The following ME1 variants were observed in gnomAD, a reference collection of about 807,000 sequenced individuals.
The protein encoded by ME1 is NADP-dependent malic enzyme.
A neutral mutation model predicts 66.4 loss-of-function variants in ME1; 74 were observed. The observed-to-expected ratio is 1.11, with a 90% CI of 0.92 to 1.35. The LOEUF is 1.35. Ranked by LOEUF, ME1 falls within the 40% of genes most tolerant of loss-of-function variation. The pLI is 0.00. For synonymous variants in ME1, 251 were observed against 235.6 expected (o/e 1.07, Z -0.60); for missense variants, 750 against 694.1 (o/e 1.08, Z -0.90).
At chr6:83,230,254 G>A (rs567082648) in intron 9 of ME1, among the ~76,000 whole-genome samples, 2 of 151,802 alleles carry the variant, frequency 1.3e-5, no homozygotes, top group East Asian at 1.9e-4. Context: ...TCGGCTCACC[G>A]CAACCTCCGC....
chr6:83,430,992 C>T lies in ME1; in HGVS notation c.-38G>A, dbSNP rs1227310519. 8 of 1,344,432 alleles carry T rather than the reference C, an allele frequency of 6.0e-6. No individual in the cohort carries two copies. Among genetic ancestry groups the T allele is most frequent in the Admixed American group, 6.4e-5 (2 of 31,422 alleles). The allele number at this position is 1,344,432 out of a possible 1,614,324, so 83.3% of individuals were successfully genotyped here. On this transcript the variant is annotated 5_prime_UTR_variant, in exon 1 of 14. Coordinates refer to ENST00000369705, the MANE Select transcript of ME1 (RefSeq NM_002395.6). ...GTTCGGCGGCGGGGTCAGGCCGGGG[C>T]GGGCCGCACGCGCGGTGCAGGCGGC...
chr6:83,310,659 A>G (rs1217157832), intron 6 of ME1, among the ~76,000 whole-genome samples: 1 of 152,068 alleles, frequency 6.6e-6, no homozygotes, highest in African/African-American at 2.4e-5. Context: ...GTGAGTTGAG[A>G]TGTTGGGAAG....
intron 7 of ME1, among the ~76,000 whole-genome samples, chr6:83,252,078 T>C (rs28520401): frequency 0.087 from 13,227 of 152,118 alleles, 787 homozygotes; most frequent in African/African-American, 0.16. Context: ...ATTTTGATGA[T>C]AGGAAATGCA....
chr6:83,234,650 T>C (rs557654467), intron 9 of ME1, among the ~76,000 whole-genome samples: 26 of 152,330 alleles, frequency 1.7e-4, no homozygotes, highest in Middle Eastern at 3.4e-3. Context: ...TATGCCCCAA[T>C]TAATTTCTAT....
intron 6 of ME1, among the ~76,000 whole-genome samples, chr6:83,254,878 T>C (rs992106838): frequency 6.6e-6 from 1 of 152,132 alleles, no homozygotes; most frequent in Non-Finnish European, 1.5e-5. Flanking sequence ...TTATCTTTCT[T>C]CCCTCTGATG....
chr6:83,382,773 TAATC>T (rs1769431003), intron 3 of ME1, among the ~76,000 whole-genome samples: 1 of 152,030 alleles, frequency 6.6e-6, no homozygotes, highest in South Asian at 2.1e-4. Context: ...TTGGAAAACA[TAATC>T]AATCTAAGAT....
chr6:83,304,775 T>C (rs1424815318), intron 6 of ME1, among the ~76,000 whole-genome samples: 1 of 152,222 alleles, frequency 6.6e-6, no homozygotes, highest in Non-Finnish European at 1.5e-5. Context: ...TGTGATCATC[T>C]TGGCAACAGG....
In ME1 at chr6:83,237,325, A is replaced by AAAGG. The variant is rs1186138597; in HGVS notation, c.1026+388_1026+391dup. ...GAAAAAGAAAGAAAGAAAAGGAAGG[A>AAAGG]AAGGAAGGAAGGAAGGAAAGAAAGA... On this transcript the variant is annotated intron_variant, in intron 9 of 13. Coordinates refer to ENST00000369705, the MANE Select transcript of ME1 (RefSeq NM_002395.6). 5.6e-4 allele frequency among the ~76,000 whole-genome samples: 84 copies of AAAGG among 150,034 alleles called. 4 individuals are homozygous for AAAGG. Among genetic ancestry groups the AAAGG allele is most frequent in the Non-Finnish European group, 1.0e-3 (67 of 67,266 alleles).
intron 1 of ME1, among the ~76,000 whole-genome samples, chr6:83,422,214 C>T (rs73478727): frequency 0.043 from 6,485 of 152,214 alleles, 460 homozygotes; most frequent in African/African-American, 0.15. Flanking sequence ...GACTACTGCA[C>T]AGATCCCACA....
chr6:83,292,543 C>A (rs1767523267), intron 6 of ME1, among the ~76,000 whole-genome samples: 1 of 152,214 alleles, frequency 6.6e-6, no homozygotes, highest in Non-Finnish European at 1.5e-5. Flanking sequence ...TCAGCCCCTA[C>A]TGGGAGGTGT....
At chr6:83,223,584 G>A (rs901982968) in intron 12 of ME1, among the ~76,000 whole-genome samples, 176 bp downstream of exon 12, 18 of 152,134 alleles carry the variant, frequency 1.2e-4, no homozygotes, top group Non-Finnish European at 1.5e-4. Flanking sequence ...AGAACCTTTC[G>A]TTTGTGAGTC....
At chr6:83,344,155 G>A (rs1361964639) in intron 5 of ME1, among the ~76,000 whole-genome samples, 1 of 151,264 alleles carries the variant, frequency 6.6e-6, no homozygotes, top group African/African-American at 2.4e-5. Flanking sequence ...GTGTGGTGGT[G>A]CACACCTGGA....
chr6:83,430,969 TCGG>T lies in ME1; in HGVS notation c.-18_-16del, dbSNP rs751940915. The T allele has an allele frequency of 4.0e-5, 61 of 1,534,460 alleles. No individual in the cohort carries two copies. The highest frequency in any genetic ancestry group is 5.1e-5 in the Non-Finnish European group (58 of 1,141,254). On this transcript the variant is annotated 5_prime_UTR_variant, in exon 1 of 14. Coordinates refer to ENST00000369705, the MANE Select transcript of ME1 (RefSeq NM_002395.6). ...TCGGGCTCCATGGCTGGCGCCGGGT[TCGG>T]CGGCGGGGTCAGGCCGGGGCGGGCC...
chr6:83,217,806 G>A (rs181634347), intron 12 of ME1, among the ~76,000 whole-genome samples: 5 of 152,230 alleles, frequency 3.3e-5, no homozygotes, highest in African/African-American at 1.2e-4. Flanking sequence ...GTCCTGACCT[G>A]GGGGAGCAGA....
At chr6:83,415,209 T>C (rs908771614) in intron 1 of ME1, among the ~76,000 whole-genome samples, 12 of 152,226 alleles carry the variant, frequency 7.9e-5, no homozygotes, top group African/African-American at 2.9e-4. Context: ...TCTTAACTCT[T>C]CAAGCTAATA....
chr6:83,277,902 A>AATAATAATG (rs1469452223), intron 6 of ME1, among the ~76,000 whole-genome samples: 1 of 54,192 alleles, frequency 1.8e-5, no homozygotes, highest in Admixed American at 2.0e-4. Context: ...TGTATCTCAA[A>AATAATAATG]ATAATAATAA....
intron 6 of ME1, among the ~76,000 whole-genome samples, chr6:83,306,265 A>C (rs999986101): frequency 2.6e-5 from 4 of 152,060 alleles, no homozygotes; most frequent in Admixed American, 2.0e-4. Flanking sequence ...TAATCTTGCT[A>C]AATTAAAGTT....
Position 83,340,912 on chromosome 6 carries a change from T to C in ME1, c.600+5261A>G, listed in dbSNP as rs189375669. Among the ~76,000 whole-genome samples, 30 of 152,256 alleles carry C rather than the reference T, an allele frequency of 2.0e-4. No individual in the cohort carries two copies. In the East Asian group the frequency reaches 5.0e-3, roughly 25 times the overall value. On this transcript the variant is annotated intron_variant, in intron 5 of 13. Coordinates refer to ENST00000369705, the MANE Select transcript of ME1 (RefSeq NM_002395.6). ...CCTTTTTGTCTGTTTGCCTCTTATA[T>C]TTCTATTTATTCTGTGGATGGACTC...
intron 3 of ME1, among the ~76,000 whole-genome samples, chr6:83,390,879 T>C (rs1231685296): frequency 1.4e-5 from 2 of 138,516 alleles, no homozygotes; most frequent in African/African-American, 5.0e-5. Flanking sequence ...TCTATATATA[T>C]ACATATATAC....
Sources: allele counts gnomAD v4.1 joint callset (sites outside exome capture counted in the v4.1 genomes callset), GRCh38; gene constraint gnomAD v4.1.1; transcripts MANE v1.5; gene names NCBI Gene and HGNC (gene_info 2026-07-23, HGNC 2026-07-21).